Variants in SKOR2 observed in about 807,000 individuals in gnomAD.
SKOR2 encodes SKI family transcriptional corepressor 2, also known as LBX1 corepressor 1-like protein.
Under a neutral mutation model 69.1 loss-of-function variants are expected in SKOR2, and 47 were observed. The ratio of observed to expected loss-of-function variants is 0.68; its 90% confidence interval spans 0.54 to 0.87. The LOEUF (loss-of-function observed/expected upper bound fraction) is 0.87, where lower values mean the gene tolerates loss of function less well. Ranked by LOEUF, SKOR2 falls within the 40% of genes least tolerant of loss-of-function variation. The probability of loss-of-function intolerance (pLI) is 0.00; values close to 1 mark genes in which losing one functional copy is unlikely to be tolerated. For missense variants in SKOR2, 1,404 were observed against 1,472.2 expected, an observed-to-expected ratio of 0.95 and a Z score of 0.76; for synonymous variants, 717 against 672.6, an observed-to-expected ratio of 1.07 and a Z score of -1.02.
chr18:47,223,578 AT>A (rs1362266857), intron 6 of SKOR2, among the ~76,000 whole-genome samples: 2 of 152,244 alleles, frequency 1.3e-5, no homozygotes, highest in African/African-American at 2.4e-5. Context: ...ACAAACCTTA[AT>A]GTCCAACATA....
At chr18:47,246,527 A>G (rs772808098) in intron 2 of SKOR2, 44 bp downstream of exon 2, 211 of 1,460,712 alleles carry the variant, frequency 1.4e-4, no homozygotes, top group Non-Finnish European at 1.8e-4. Flanking sequence ...AGGTGCATTT[A>G]AATAATAATA....
At chr18:47,250,316 C>T (rs2064306849) in intron 1 of SKOR2, among the ~76,000 whole-genome samples, 1 of 152,196 alleles carries the variant, frequency 6.6e-6, no homozygotes, top group South Asian at 2.1e-4. Context: ...ACTTCACCTC[C>T]AGTCAACAGA....
chr18:47,213,417 A>G (rs1342923168), intron 7 of SKOR2, among the ~76,000 whole-genome samples: 1 of 148,066 alleles, frequency 6.8e-6, no homozygotes, highest in African/African-American at 2.5e-5. Flanking sequence ...TTATATATAT[A>G]TAATATTTCC....
chr18:47,227,276 C>T (rs1217517539), intron 6 of SKOR2, among the ~76,000 whole-genome samples: 3 of 151,098 alleles, frequency 2.0e-5, no homozygotes, highest in Non-Finnish European at 4.4e-5. Flanking sequence ...TCCATTCTTA[C>T]GACCATTCCT....
chr18:47,243,564 A>G (rs2144510663), intron 4 of SKOR2, among the ~76,000 whole-genome samples: 1 of 152,296 alleles, frequency 6.6e-6, no homozygotes, highest in South Asian at 2.1e-4. Flanking sequence ...CTTGGTAGCA[A>G]TGCTTTCCAT....
chr18:47,244,376 G>A (rs139379803), intron 4 of SKOR2, among the ~76,000 whole-genome samples: 2 of 152,232 alleles, frequency 1.3e-5, no homozygotes, highest in South Asian at 2.1e-4. Flanking sequence ...TTAAGACACT[G>A]CAATAGACAA....
intron 4 of SKOR2, among the ~76,000 whole-genome samples, chr18:47,235,723 T>C (rs1282235577): frequency 1.5e-5 from 2 of 131,358 alleles, no homozygotes; most frequent in African/African-American, 3.0e-5. Flanking sequence ...CTGAAGCAGA[T>C]ATGAGCAGTA....
At chr18:47,207,579 C>T (rs2064116634) in intron 8 of SKOR2, among the ~76,000 whole-genome samples, 1 of 152,106 alleles carries the variant, frequency 6.6e-6, no homozygotes, top group African/African-American at 2.4e-5. Context: ...GACATAAAGT[C>T]CTTAGAACAG....
intron 2 of SKOR2, among the ~76,000 whole-genome samples, chr18:47,246,047 T>C (rs1469831749): frequency 6.6e-6 from 1 of 152,230 alleles, no homozygotes; most frequent in Non-Finnish European, 1.5e-5. Context: ...TTTGTTTCAC[T>C]GGACACAACA....
chr18:47,225,749 G>T (rs2064176504), intron 6 of SKOR2, among the ~76,000 whole-genome samples: 1 of 152,162 alleles, frequency 6.6e-6, no homozygotes, highest in Admixed American at 6.5e-5. Flanking sequence ...TGGATGAGGG[G>T]AGGCGCTCTG....
chr18:47,220,674 T>C (rs2064158566), intron 6 of SKOR2, among the ~76,000 whole-genome samples: 1 of 152,196 alleles, frequency 6.6e-6, no homozygotes, highest in Non-Finnish European at 1.5e-5. Context: ...ATTCTACATA[T>C]TGACCATATT....
chr18:47,219,902 C>G (rs867576222), intron 7 of SKOR2, 41 bp downstream of exon 7: 1 of 1,508,526 alleles, frequency 6.6e-7, no homozygotes, highest in South Asian at 1.2e-5. Flanking sequence ...GAAAACAAAC[C>G]AATTAAGTTG....
intron 7 of SKOR2, among the ~76,000 whole-genome samples, chr18:47,214,890 C>A (rs1012442377): frequency 6.6e-6 from 1 of 151,712 alleles, no homozygotes; most frequent in Non-Finnish European, 1.5e-5. Context: ...TTCATCTTGA[C>A]CAGCTTAGAA....
At chr18:47,211,396 C>T (rs1568082393) in intron 8 of SKOR2, among the ~76,000 whole-genome samples, 5 of 152,206 alleles carry the variant, frequency 3.3e-5, no homozygotes. Flanking sequence ...TGCATTCCCA[C>T]AATTCTAATA....
intron 7 of SKOR2, among the ~76,000 whole-genome samples, chr18:47,214,323 A>G (rs2064137171): frequency 6.6e-6 from 1 of 152,188 alleles, no homozygotes; most frequent in African/African-American, 2.4e-5. Context: ...AAAGCAAAAA[A>G]AGGACTCAAG....
rs977214658 is a variant in SKOR2 at position 47,246,581 on chromosome 18, G to T, written c.2603C>A (p.Ser868Tyr). 5.9e-6 allele frequency: 9 copies of T among 1,517,462 alleles called. No individual in the cohort carries two copies. Among genetic ancestry groups the T allele is most frequent in the Non-Finnish European group, 7.9e-6 (9 of 1,139,542 alleles). The allele number at this position is 1,517,462 out of a possible 1,614,324, so 94.0% of individuals were successfully genotyped here. A position where few individuals can be genotyped will look rare whatever the true frequency, so the allele number is the denominator to read the frequency against. The change falls in exon 2 of 9, where the codon TCC (serine) becomes TAC (tyrosine). Residue 868 changes from serine (S) to tyrosine (Y), a missense_variant. Transcript: ENST00000425639. ...AAAGGGGATATTTACATCTTTGTAG[G>T]AGGGCTGCTCCTCCAGTGATGGATG... ...VHHPSLEEQP[S>Y]YKDSQKTKEN... is the part of the protein sequence containing the mutation.
chr18:47,244,874 G>T (rs1316976276), intron 4 of SKOR2, 34 bp downstream of exon 4: 5 of 1,515,064 alleles, frequency 3.3e-6, no homozygotes, highest in South Asian at 1.2e-5. Flanking sequence ...CCTGTCATCT[G>T]ACTATTCATT....
At chr18:47,212,841 C>T (rs2064131838) in intron 7 of SKOR2, among the ~76,000 whole-genome samples, 1 of 151,894 alleles carries the variant, frequency 6.6e-6, no homozygotes, top group South Asian at 2.1e-4. Flanking sequence ...AGTGTGGTGG[C>T]ACACACCTGC....
At chr18:47,230,666 A>C (rs1426755927) in intron 5 of SKOR2, 109 bp from the exon 6 acceptor site, 1 of 739,948 alleles carries the variant, frequency 1.4e-6, no homozygotes, top group Non-Finnish European at 2.0e-6. Flanking sequence ...ACCAGTTTAA[A>C]AAGTGTTGCA....
Sources: gnomAD v4.1 joint callset for allele counts (sites outside exome capture counted in the v4.1 genomes callset) on GRCh38, gnomAD v4.1.1 for gene constraint, MANE v1.5 for transcripts, NCBI Gene and HGNC (gene_info 2026-07-23, HGNC 2026-07-21) for gene names.